Variants in PARP4 observed in about 807,000 individuals in gnomAD.
The protein encoded by PARP4 is protein mono-ADP-ribosyltransferase PARP4.
PARP4 carries 120 observed loss-of-function variants against 187.7 expected under a neutral mutation model. The ratio of observed to expected loss-of-function variants is 0.64; its 90% CI spans 0.55 to 0.74. The LOEUF is 0.74. Among genes scored for constraint, PARP4 ranks in the 30% least tolerant of loss-of-function variants. The pLI is 0.00. For synonymous variants in PARP4, 654 were observed against 740.9 expected (o/e 0.88, Z 1.90); for missense variants, 1,836 against 2,070.5 (o/e 0.89, Z 2.20).
At chr13:24,508,605 C>T (rs1191191146) in intron 1 of PARP4, among the ~76,000 whole-genome samples, 1 of 152,150 alleles carries the variant, frequency 6.6e-6, no homozygotes, top group Non-Finnish European at 1.5e-5. Flanking sequence ...CCTCCGCCTC[C>T]CGGGTTCAAA....
intron 17 of PARP4, among the ~76,000 whole-genome samples, chr13:24,466,450 G>A (rs1872475264): frequency 6.6e-6 from 1 of 152,062 alleles, no homozygotes; most frequent in African/African-American, 2.4e-5. Flanking sequence ...CAAAGTGTTA[G>A]GATTACAGGT....
chr13:24,504,355 C>G (rs1468401584), intron 1 of PARP4, among the ~76,000 whole-genome samples: 1 of 144,836 alleles, frequency 6.9e-6, no homozygotes, highest in Non-Finnish European at 1.5e-5. Context: ...ACTCTGTCAC[C>G]CAAGCTGGAG....
In PARP4 at chr13:24,426,599, C is replaced by G; in HGVS notation, c.4847-1G>C. On this transcript the variant is annotated splice_acceptor_variant, in intron 32 of 33. Transcript: ENST00000381989. LOFTEE classifies it high-confidence loss of function. ...AGGAGACATTCTCTTCCTTTTACACCTAAAAGGAAAAAAACTCCGTTAAGT... is the reference window on the plus strand; with the variant it reads ...AGGAGACATTCTCTTCCTTTTACACGTAAAAGGAAAAAAACTCCGTTAAGT... The G allele has an allele frequency of 6.2e-7, 1 of 1,607,090 alleles. No individual in the cohort carries two copies. Among genetic ancestry groups the G allele is most frequent in the East Asian group, 2.2e-5 (1 of 44,786 alleles).
intron 16 of PARP4, 35 bp from the exon 17 acceptor site, chr13:24,469,145 G>A (rs926100207): frequency 7.3e-7 from 1 of 1,370,870 alleles, no homozygotes; most frequent in African/African-American, 1.4e-5. Flanking sequence ...TTCCTTACAT[G>A]AAGAGTGACT....
At chr13:24,500,719 G>A (rs904655547) in intron 3 of PARP4, among the ~76,000 whole-genome samples, 3 of 152,168 alleles carry the variant, frequency 2.0e-5, no homozygotes, top group African/African-American at 2.4e-5. Context: ...GGCACATCAC[G>A]AGCGAAGGAG....
At chr13:24,428,421 C>T (rs557485677) in intron 32 of PARP4, among the ~76,000 whole-genome samples, 18 of 152,314 alleles carry the variant, frequency 1.2e-4, no homozygotes, top group Admixed American at 6.5e-5. Flanking sequence ...ATACTACTAA[C>T]GTTGAGAATT....
chr13:24,427,161 C>T (rs1376409603), intron 32 of PARP4, among the ~76,000 whole-genome samples: 2 of 152,040 alleles, frequency 1.3e-5, no homozygotes, highest in Non-Finnish European at 2.9e-5. Flanking sequence ...GCTCCTGTTA[C>T]AAATAGCTTA....
chr13:24,449,746 G>A lies in PARP4; in HGVS notation c.3086C>T (p.Ala1029Val). 1 of 1,604,724 alleles carries A rather than the reference G, an allele frequency of 6.2e-7. No homozygotes were observed. The change falls in exon 25 of 34, where the codon GCA (alanine) becomes GTA (valine). Residue 1029 changes from alanine (A) to valine (V), a missense_variant. Physicochemically the swap from Ala to Val is moderately conservative, Grantham distance 64. Coordinates refer to ENST00000381989, the MANE Select transcript of PARP4 (RefSeq NM_006437.4). ...TTTTCTCCAACTATGCTTGGATTTTGCATTAAAATATTCAAATACTCCGGC... is the reference window on the plus strand; with the variant it reads ...TTTTCTCCAACTATGCTTGGATTTTACATTAAAATATTCAAATACTCCGGC... The part of the protein sequence containing the change: ...CGAGVFEYFN[A>V]KSKHSWRKQI...
chr13:24,455,034 A>G lies in PARP4; in HGVS notation c.2741T>C (p.Ile914Thr), dbSNP rs1018771583. Residue 914 changes from isoleucine to threonine, a missense_variant, in exon 22 of 34, where the codon ATT becomes ACT. Physicochemically the swap from Ile to Thr is moderately conservative, Grantham distance 89. Coordinates refer to ENST00000381989, the MANE Select transcript of PARP4 (RefSeq NM_006437.4). ...SLVGEKQKVN[I>T]IQFGTGYKEL... ...GCACTCACCTGTGCCGAACTGGATA[A>G]TATTTACTTTCTGCTTCTCACCCAC... 1 of 1,607,844 alleles carries G rather than the reference A, an allele frequency of 6.2e-7. No individual in the cohort carries two copies.
intron 6 of PARP4, among the ~76,000 whole-genome samples, chr13:24,495,615 A>C (rs1868901800): frequency 6.6e-6 from 1 of 152,104 alleles, no homozygotes; most frequent in Admixed American, 6.6e-5. Flanking sequence ...TAACCCCAGG[A>C]AAATCTGGAA....
rs142750690 is a variant in PARP4 at position 24,456,489 on chromosome 13, A to G, written c.2425-11T>C. The G allele has an allele frequency of 3.8e-5, 60 of 1,583,112 alleles. No homozygotes were observed. The East Asian group carries it at 1.2e-3, about 33-fold the overall frequency. ...TTTGCAGTCTGTGCGCTGCAAAACA[A>G]ACACCGCGACAACAAGGTGAGTAAT... On this transcript the variant is annotated splice_polypyrimidine_tract_variant and intron_variant, in intron 20 of 33. Transcript: ENST00000381989.
chr13:24,454,704 C>G (rs1401654984), intron 22 of PARP4, among the ~76,000 whole-genome samples: 3 of 152,138 alleles, frequency 2.0e-5, no homozygotes, highest in Admixed American at 2.0e-4. Flanking sequence ...GTTTAAAAAT[C>G]CTTTACATAC....
chr13:24,426,255 T>C (rs1870043976), intron 33 of PARP4, among the ~76,000 whole-genome samples: 1 of 152,002 alleles, frequency 6.6e-6, no homozygotes, highest in African/African-American at 2.4e-5. Context: ...CTGAAACTCT[T>C]TGAGCCCATT....
chr13:24,479,543 T>G (rs543271404), intron 12 of PARP4, among the ~76,000 whole-genome samples: 1 of 152,118 alleles, frequency 6.6e-6, no homozygotes, highest in Non-Finnish European at 1.5e-5. Context: ...AGTGCACCAA[T>G]TGACACTCTG....
Position 24,452,965 on chromosome 13 carries a change from C to T in PARP4, c.2827-372G>A, listed in dbSNP as rs546740471. On this transcript the variant is annotated intron_variant, in intron 23 of 33. Transcript: ENST00000381989. Reference sequence around the variant, plus strand: ...TTTTTTTTTCTTTGAGATGGAGTCTCGCTCCATTGCCCAGGCTGGAGTGCA... The same window carrying T: ...TTTTTTTTTCTTTGAGATGGAGTCTTGCTCCATTGCCCAGGCTGGAGTGCA... Among the ~76,000 whole-genome samples, 26 of 151,964 alleles carry T rather than the reference C, an allele frequency of 1.7e-4. No homozygotes were observed. In the South Asian group the frequency reaches 3.3e-3, roughly 19 times the overall value.
chr13:24,487,438 A>G (rs1421776322), intron 10 of PARP4, among the ~76,000 whole-genome samples: 3 of 152,150 alleles, frequency 2.0e-5, no homozygotes, highest in Middle Eastern at 3.2e-3. Context: ...GCAGGAGTAG[A>G]GGGGAGCATC....
At chr13:24,454,024 G>C (rs1004854734) in intron 22 of PARP4, among the ~76,000 whole-genome samples, 5 of 151,708 alleles carry the variant, frequency 3.3e-5, no homozygotes, top group African/African-American at 1.2e-4. Flanking sequence ...CTAAGGCCGG[G>C]AGGCAGAGGT....
At chr13:24,511,335 T>A (rs902232846) in intron 1 of PARP4, among the ~76,000 whole-genome samples, 1 of 152,190 alleles carries the variant, frequency 6.6e-6, no homozygotes, top group Non-Finnish European at 1.5e-5. Context: ...AGTTAGTTCA[T>A]GTTTTCATCA....
chr13:24,444,128 C>T (rs1871088818), intron 27 of PARP4, among the ~76,000 whole-genome samples: 1 of 152,276 alleles, frequency 6.6e-6, no homozygotes. Flanking sequence ...ATGGTCTGCA[C>T]TCTGAAGGGT....
Sources: gnomAD v4.1 joint callset for allele counts (sites outside exome capture counted in the v4.1 genomes callset) on GRCh38, gnomAD v4.1.1 for gene constraint, MANE v1.5 for transcripts, NCBI Gene and HGNC (gene_info 2026-07-23, HGNC 2026-07-21) for gene names.